Variants in CPAMD8 observed in about 807,000 individuals in gnomAD.
The protein encoded by CPAMD8 is C3 and PZP-like alpha-2-macroglobulin domain-containing protein 8.
In CPAMD8, 146 loss-of-function variants were observed where a neutral mutation model predicts 224.7. The ratio of observed to expected loss-of-function variants is 0.65; its 90% confidence interval spans 0.57 to 0.75. The LOEUF is 0.75. CPAMD8 is among the 30% of genes least tolerant of loss of function. CPAMD8 has a pLI of 0.00. For missense variants in CPAMD8, 2,301 were observed against 2,537.5 expected, an observed-to-expected ratio of 0.91 and a Z score of 2.00; for synonymous variants, 966 against 1,044.6, an observed-to-expected ratio of 0.92 and a Z score of 1.45.
At chr19:16,992,928 C>T (rs944037011) in intron 12 of CPAMD8, among the ~76,000 whole-genome samples, 6 of 150,438 alleles carry the variant, frequency 4.0e-5, no homozygotes, top group Admixed American at 6.6e-5. Context: ...GAGACCCTGT[C>T]TCTTAAAAAA....
rs1336205169 is a variant in CPAMD8 at position 16,898,462 on chromosome 19, C to T, written c.4849-468G>A. On this transcript the variant is annotated intron_variant, in intron 37 of 41. Coordinates refer to ENST00000443236, the MANE Select transcript of CPAMD8 (RefSeq NM_015692.5). This position sits in a 1 kb window ranked among gnomAD's most constrained non-coding sequence, Gnocchi z 4.2. ...AACGTCTCAGGTGGCCTCTGAAACA[C>T]CACTCCTTTTTGTGTGTGTGCACGC... 1.3e-5 allele frequency among the ~76,000 whole-genome samples: 2 copies of T among 152,108 alleles called. No individual in the cohort carries two copies. The highest frequency in any genetic ancestry group is 1.5e-5 in the Non-Finnish European group (1 of 67,996).
At position 16,921,986 on chromosome 19, in the gene CPAMD8, C is replaced by G. The variant is rs1330060162; in HGVS notation, c.3548G>C (p.Gly1183Ala). The G allele has an allele frequency of 1.9e-6, 3 of 1,546,860 alleles. No homozygotes were observed. The South Asian group carries it at 3.6e-5, about 18-fold the overall frequency. ...ERETTDYLVQ[G>A]YQRQLTYKRQ... is the part of the protein sequence containing the mutation. ...CTTGTAGGTCAGCTGGCGCTGGTAG[C>G]CTGTGGGGCAAGCAGAGAGGACCCT... The change falls in exon 27 of 42, where the codon GGC becomes GCC. Residue 1183 changes from glycine to alanine, a missense_variant and splice_region_variant. By Grantham distance (60) the Gly-to-Ala change is moderately conservative. Around this residue, in one of 4 missense-constraint regions of CPAMD8, gnomAD observed 1,709 missense variants for 1,753.2 expected, o/e 0.97. Transcript: ENST00000443236.
chr19:17,009,407 G>C, intron 5 of CPAMD8, 87 bp from the exon 6 acceptor site: 1 of 1,607,266 alleles, frequency 6.2e-7, no homozygotes, highest in Non-Finnish European at 8.5e-7. Flanking sequence ...TCGGTCCCCG[G>C]GACAGGCAGT....
At chr19:16,950,458 C>A (rs550974032) in intron 20 of CPAMD8, among the ~76,000 whole-genome samples, 40 of 151,952 alleles carry the variant, frequency 2.6e-4, no homozygotes, top group Admixed American at 2.0e-3. Context: ...ATGACGGGAT[C>A]TTCTGATACT....
intron 10 of CPAMD8, among the ~76,000 whole-genome samples, chr19:16,998,785 CACACAT>C (rs1333610413): frequency 1.3e-5 from 2 of 152,176 alleles, no homozygotes; most frequent in African/African-American, 4.8e-5. Context: ...CTCAAAAGGT[CACACAT>C]AGTGTTACCC....
In CPAMD8 at chr19:16,988,971, T is replaced by A. The variant is rs143873767; in HGVS notation, c.1395+672A>T. On this transcript the variant is annotated intron_variant, in intron 13 of 41. Coordinates refer to ENST00000443236, the MANE Select transcript of CPAMD8 (RefSeq NM_015692.5). ...TATTGTGAACTGTGCTTGCACGGGA[T>A]CTAGGTTGCATGCCCCTAATGAGAA... Among the ~76,000 whole-genome samples, 147 of 152,284 alleles carry A rather than the reference T, an allele frequency of 9.7e-4. 1 individual carries two copies. The highest frequency in any genetic ancestry group is 3.4e-3 in the Middle Eastern group (1 of 294).
chr19:17,013,100 G>A (rs1229525223), intron 3 of CPAMD8, among the ~76,000 whole-genome samples: 1 of 152,074 alleles, frequency 6.6e-6, no homozygotes, highest in Non-Finnish European at 1.5e-5. Context: ...AGAATTGCTT[G>A]AACCCAGGAG....
At chr19:16,978,746 T>TATCC (rs1465799002) in intron 14 of CPAMD8, among the ~76,000 whole-genome samples, 1 of 152,064 alleles carries the variant, frequency 6.6e-6, no homozygotes, top group Non-Finnish European at 1.5e-5. Context: ...TCTGTCTATC[T>TATCC]ATCCATCCAT....
intron 23 of CPAMD8, among the ~76,000 whole-genome samples, chr19:16,937,184 G>C (rs1459753204): frequency 6.6e-6 from 1 of 151,600 alleles, no homozygotes; most frequent in Non-Finnish European, 1.5e-5. Context: ...AACCAGGCTG[G>C]AGTGTAGTGG....
chr19:17,023,583 T>C (rs2057011295), intron 1 of CPAMD8, among the ~76,000 whole-genome samples: 1 of 152,086 alleles, frequency 6.6e-6, no homozygotes, highest in Admixed American at 6.6e-5. Flanking sequence ...TATTTATTTA[T>C]TTATTTATTT....
intron 29 of CPAMD8, among the ~76,000 whole-genome samples, 190 bp from the exon 30 acceptor site, chr19:16,907,307 C>T (rs1300877044): frequency 1.1e-4 from 9 of 81,080 alleles, no homozygotes; most frequent in East Asian, 3.2e-4. Flanking sequence ...TCTTTCTTGC[C>T]TTTTTTTTTT....
intron 18 of CPAMD8, among the ~76,000 whole-genome samples, chr19:16,968,351 G>A (rs899929030): frequency 1.1e-4 from 17 of 152,180 alleles, no homozygotes; most frequent in African/African-American, 3.9e-4. Flanking sequence ...AAGCATCCAG[G>A]AGCCACTGGG....
At chr19:16,968,280 A>C (rs939281259) in intron 18 of CPAMD8, among the ~76,000 whole-genome samples, 1 of 152,182 alleles carries the variant, frequency 6.6e-6, no homozygotes, top group East Asian at 1.9e-4. Context: ...GGAGTTGGGA[A>C]ACTAGGAACC....
At position 16,994,930 on chromosome 19, in the gene CPAMD8, G is replaced by A. The variant is rs544238151; in HGVS notation, c.1096-1344C>T. Among the ~76,000 whole-genome samples, 5 of 152,284 alleles carry A rather than the reference G, an allele frequency of 3.3e-5. No individual in the cohort carries two copies. The East Asian group carries it at 7.7e-4, about 24-fold the overall frequency. On this transcript the variant is annotated intron_variant, in intron 11 of 41. Coordinates refer to ENST00000443236, the MANE Select transcript of CPAMD8 (RefSeq NM_015692.5). ...GGTCCTCTTGCCTCGGCCTCCCAAA[G>A]CACTGGGACTACAGGCATGAGCCAC...
At chr19:17,006,996 C>T (rs772237939) in intron 7 of CPAMD8, among the ~76,000 whole-genome samples, 2 of 152,018 alleles carry the variant, frequency 1.3e-5, no homozygotes, top group Admixed American at 6.6e-5. Context: ...ATCAAGGGAA[C>T]GAGAGGGAGT....
chr19:16,976,251 G>A (rs1377540049), intron 15 of CPAMD8, 100 bp from the exon 16 acceptor site: 28 of 927,888 alleles, frequency 3.0e-5, no homozygotes, highest in Admixed American at 5.3e-5. Flanking sequence ...CGAGGCGGGT[G>A]GATCACCTGA....
intron 29 of CPAMD8, chr19:16,910,566 CAGG>C (rs1286880929): frequency 6.6e-6 from 1 of 151,722 alleles, no homozygotes; most frequent in African/African-American, 2.4e-5. Flanking sequence ...CTGATCAGCA[CAGG>C]AGTTTTGACC....
In CPAMD8 at chr19:16,902,824, G is replaced by T; in HGVS notation, c.4510C>A (p.Pro1504Thr). The T allele has an allele frequency of 6.4e-7, 1 of 1,562,358 alleles. No homozygotes were observed. The highest frequency in any genetic ancestry group is 1.4e-5 in the African/African-American group (1 of 73,360). ...AGGCTTACGAGCAGCTGGAAAGCTG[G>T]CTTGGCCACCGGGTCAGGCACATTG... ...TYNVPDPVAKPAFQLLVSLQE... is the reference protein window; with the variant it reads ...TYNVPDPVAKTAFQLLVSLQE... Residue 1504 changes from proline to threonine, a missense_variant, in exon 35 of 42, where the codon CCA becomes ACA. Physicochemically the swap from Pro to Thr is conservative, Grantham distance 38. This residue lies in a region of CPAMD8 where 1,709 missense variants were observed against 1,753.2 expected (regional missense o/e 0.97). Transcript: ENST00000443236.
chr19:16,988,268 G>T (rs1044649774), intron 13 of CPAMD8, among the ~76,000 whole-genome samples: 2 of 152,124 alleles, frequency 1.3e-5, no homozygotes, highest in African/African-American at 4.8e-5. Flanking sequence ...GGGCAGAGTG[G>T]TGATCATCAT....
Sources: allele counts gnomAD v4.1 joint callset (sites outside exome capture counted in the v4.1 genomes callset), GRCh38; gene constraint gnomAD v4.1.1; regional missense constraint gnomAD v4.1.1; non-coding constraint Gnocchi (gnomAD v3.1); transcripts MANE v1.5; gene names NCBI Gene and HGNC (gene_info 2026-07-23, HGNC 2026-07-21).